DLGAP1: variants seen among roughly 807,000 people sequenced by gnomAD.
DLGAP1 encodes the protein disks large-associated protein 1.
Under a neutral mutation model 90.8 loss-of-function variants are expected in DLGAP1, and 11 were observed. The ratio of observed to expected loss-of-function variants is 0.12; its 90% CI spans 0.08 to 0.20. The LOEUF is 0.20. DLGAP1 is among the 10% of genes least tolerant of loss of function. DLGAP1 has a pLI of 1.00. For missense variants in DLGAP1, 1,050 were observed against 1,333.8 expected (o/e 0.79, Z 3.31); for synonymous variants, 558 against 540.7 (o/e 1.03, Z -0.44).
chr18:4,318,034 G>C (rs1165938956), intron 1 of DLGAP1, among the ~76,000 whole-genome samples: 13 of 152,126 alleles, frequency 8.5e-5, no homozygotes, highest in East Asian at 1.9e-4. Flanking sequence ...TTTAAGAAGA[G>C]ACAGGGTTTC....
chr18:4,396,997 C>T (rs1015447210), intron 1 of DLGAP1, among the ~76,000 whole-genome samples: 5 of 152,192 alleles, frequency 3.3e-5, no homozygotes, highest in Non-Finnish European at 7.3e-5. Flanking sequence ...AAGGTAACAA[C>T]ATGGGCTCTG....
intron 4 of DLGAP1, among the ~76,000 whole-genome samples, chr18:3,875,926 T>C (rs181511251): frequency 6.6e-6 from 1 of 151,690 alleles, no homozygotes; most frequent in Admixed American, 6.6e-5. Flanking sequence ...CTCCGGGAAC[T>C]AGAAGAATAG....
intron 3 of DLGAP1, among the ~76,000 whole-genome samples, chr18:3,945,180 G>A (rs949688827): frequency 5.3e-5 from 8 of 152,164 alleles, no homozygotes; most frequent in Non-Finnish European, 1.2e-4. Context: ...CCATCATCAG[G>A]TTGATGTGAG....
intron 7 of DLGAP1, chr18:3,656,306 T>C (rs1311720663): frequency 4.1e-6 from 2 of 492,546 alleles, no homozygotes; most frequent in Admixed American, 3.8e-5. Context: ...ATGTCTTCTT[T>C]TCCCCCACTA....
chr18:4,029,969 A>C (rs1215955854), intron 2 of DLGAP1, among the ~76,000 whole-genome samples: 1 of 152,070 alleles, frequency 6.6e-6, no homozygotes, highest in African/African-American at 2.4e-5. Flanking sequence ...TTCTCCTCCC[A>C]CTAGAATGTA....
chr18:3,897,333 A>G (rs2071651058), intron 3 of DLGAP1, among the ~76,000 whole-genome samples: 1 of 152,230 alleles, frequency 6.6e-6, no homozygotes, highest in South Asian at 2.1e-4. Context: ...CTTGATATAG[A>G]AGGGAGCCAA....
chr18:3,658,856 G>C (rs2059587055), intron 7 of DLGAP1, among the ~76,000 whole-genome samples: 1 of 152,158 alleles, frequency 6.6e-6, no homozygotes, highest in Non-Finnish European at 1.5e-5. Context: ...TCAGTATGTA[G>C]AAACAGAGTT....
intron 1 of DLGAP1, among the ~76,000 whole-genome samples, chr18:4,271,723 C>A (rs2079287733): frequency 6.6e-6 from 1 of 152,106 alleles, no homozygotes; most frequent in African/African-American, 2.4e-5. Flanking sequence ...TCTTATCATG[C>A]CTCAGTCTCA....
At chr18:4,401,801 T>C (rs1344930596) in intron 1 of DLGAP1, among the ~76,000 whole-genome samples, 1 of 151,276 alleles carries the variant, frequency 6.6e-6, no homozygotes, top group Non-Finnish European at 1.5e-5. Flanking sequence ...AAGCCATGTT[T>C]TTAGCTTAAA....
intron 1 of DLGAP1, among the ~76,000 whole-genome samples, chr18:4,223,895 T>C (rs2078131374): frequency 1.3e-5 from 2 of 152,238 alleles, no homozygotes; most frequent in South Asian, 2.1e-4. Context: ...AGCTAAATCA[T>C]TATAACTTAA....
rs550869572 is a variant in DLGAP1 at position 3,518,306 on chromosome 18, T to C, written c.2480-9645A>G. Among the ~76,000 whole-genome samples the C allele has an allele frequency of 7.9e-5, 12 of 152,272 alleles. 1 individual carries two copies. The South Asian group carries it at 1.4e-3, about 18-fold the overall frequency. On this transcript the variant is annotated intron_variant, in intron 10 of 12. Transcript: ENST00000315677. ...TTTATTGATTAAGTTCACAGTCTTA[T>C]ATGGGCACGGTTCATGGAGCTCCAA...
chr18:3,920,975 C>A (rs566372801), intron 3 of DLGAP1, among the ~76,000 whole-genome samples: 70 of 152,296 alleles, frequency 4.6e-4, no homozygotes, highest in African/African-American at 1.6e-3. Context: ...CATCAAAAAT[C>A]CAACTTGTAT....
At chr18:4,086,924 G>T (rs1005782109) in intron 2 of DLGAP1, among the ~76,000 whole-genome samples, 1 of 150,160 alleles carries the variant, frequency 6.7e-6, no homozygotes, top group Non-Finnish European at 1.5e-5. Flanking sequence ...ATTAGTTTTT[G>T]CTTTATGTGT....
At chr18:3,909,485 C>T (rs1049243360) in intron 3 of DLGAP1, among the ~76,000 whole-genome samples, 2 of 152,184 alleles carry the variant, frequency 1.3e-5, no homozygotes, top group Non-Finnish European at 2.9e-5. Context: ...TACTAACACC[C>T]AAGAACACTG....
chr18:3,697,081 C>T (rs1197276203), intron 7 of DLGAP1, among the ~76,000 whole-genome samples: 1 of 152,048 alleles, frequency 6.6e-6, no homozygotes, highest in African/African-American at 2.4e-5. Context: ...TTTGATTCTT[C>T]TGTCTTTCTT....
At chr18:3,900,836 A>C (rs550221725) in intron 3 of DLGAP1, among the ~76,000 whole-genome samples, 1 of 152,298 alleles carries the variant, frequency 6.6e-6, no homozygotes, top group East Asian at 1.9e-4. Context: ...CTGATAACAA[A>C]AAGGACAAGG....
chr18:3,984,850 G>A (rs1000418384), intron 3 of DLGAP1, among the ~76,000 whole-genome samples: 3 of 151,900 alleles, frequency 2.0e-5, no homozygotes, highest in Non-Finnish European at 4.4e-5. Context: ...GAGCTCAGCC[G>A]GTTCTGAAGG....
intron 2 of DLGAP1, among the ~76,000 whole-genome samples, chr18:4,089,836 G>A (rs1241890844): frequency 6.6e-6 from 1 of 152,178 alleles, no homozygotes; most frequent in Non-Finnish European, 1.5e-5. Context: ...ACGAGGTCAG[G>A]AGATCGAGAC....
At chr18:3,908,944 G>A (rs527597018) in intron 3 of DLGAP1, among the ~76,000 whole-genome samples, 83 of 152,000 alleles carry the variant, frequency 5.5e-4, no homozygotes, top group African/African-American at 1.9e-3. Flanking sequence ...CTTCTCTACT[G>A]TTCTGGTCAC....
Sources: allele counts gnomAD v4.1 joint callset (sites outside exome capture counted in the v4.1 genomes callset), GRCh38; gene constraint gnomAD v4.1.1; transcripts MANE v1.5; gene names NCBI Gene and HGNC (gene_info 2026-07-23, HGNC 2026-07-21).